LIMS2: variants seen among roughly 807,000 people sequenced by gnomAD.
The protein encoded by LIMS2 is LIM zinc finger domain containing 2, also known as LIM and senescent cell antigen-like-containing domain protein 2.
Under a neutral mutation model 45.3 loss-of-function variants are expected in LIMS2, and 30 were observed. That is an observed-to-expected ratio of 0.66 (90% CI 0.50 to 0.90). LIMS2 has a LOEUF of 0.90. Among genes scored for constraint, LIMS2 ranks in the 40% least tolerant of loss-of-function variants. LIMS2 has a pLI of 0.00. For missense variants in LIMS2, 485 were observed against 468.7 expected (o/e 1.03, Z -0.32); for synonymous variants, 173 against 188.0 (o/e 0.92, Z 0.65).
At chr2:127,676,661 C>T (rs148815681), upstream of LIMS2, among the ~76,000 whole-genome samples, 5 of 152,240 alleles carry the variant, frequency 3.3e-5, no homozygotes, top group East Asian at 1.9e-4. Context: ...CCGACTGTCT[C>T]GAGTTATTAC....
chr2:127,680,591 C>A (rs558190011), intron 1 of LIMS2, among the ~76,000 whole-genome samples: 3 of 152,320 alleles, frequency 2.0e-5, no homozygotes, highest in Admixed American at 2.0e-4. Context: ...GAGAAGCTGG[C>A]GGAATGTCGA....
intron 1 of LIMS2, among the ~76,000 whole-genome samples, chr2:127,666,933 G>C (rs1184045537): frequency 1.3e-5 from 2 of 152,160 alleles, no homozygotes; most frequent in African/African-American, 4.8e-5. Context: ...CTTGACACGT[G>C]GGGATTATAG....
At chr2:127,648,777 C>T (rs1359469606) in intron 4 of LIMS2, among the ~76,000 whole-genome samples, 7 of 151,444 alleles carry the variant, frequency 4.6e-5, no homozygotes, top group African/African-American at 1.5e-4. Context: ...AAAAATTAGC[C>T]GGGTGTGGTG....
chr2:127,661,061 A>G (rs1190721513), intron 1 of LIMS2, among the ~76,000 whole-genome samples: 2 of 152,230 alleles, frequency 1.3e-5, no homozygotes, highest in South Asian at 2.1e-4. Flanking sequence ...GGACAGACAG[A>G]AGCATGCAGA....
At position 127,647,891 on chromosome 2, in the gene LIMS2, G is replaced by A. The variant is rs746741345; in HGVS notation, c.360-4819C>T. The A allele has an allele frequency of 3.4e-5, 15 of 443,840 alleles. No individual in the cohort carries two copies. Among genetic ancestry groups the A allele is most frequent in the Admixed American group, 6.4e-5 (1 of 15,596 alleles). 27.5% of individuals were successfully genotyped at this position (443,840 alleles called of 1,614,324 possible). ...CCCTGCCACCGTCCCACCGGTACCT[G>A]CTCCCTGTTCTCCCCTGCCTCACAG... On this transcript the variant is annotated intron_variant, in intron 4 of 9. Coordinates refer to ENST00000355119, the MANE Select transcript of LIMS2 (RefSeq NM_001161403.3). The surrounding 1 kb of genome is among the most constrained non-coding windows in gnomAD (Gnocchi z 4.3).
chr2:127,672,375 C>G lies in LIMS2; in HGVS notation c.11+2639G>C, dbSNP rs894615087. Among the ~76,000 whole-genome samples, 6 of 152,130 alleles carry G rather than the reference C, an allele frequency of 3.9e-5. No individual in the cohort carries two copies. Among genetic ancestry groups the G allele is most frequent in the Admixed American group, 3.9e-4 (6 of 15,282 alleles). ...GCCACCCCATGCTCTGGGCTGCCTTCACTCCCTGCCCAGCTGGCTACTCCT... is the reference window on the plus strand; with the variant it reads ...GCCACCCCATGCTCTGGGCTGCCTTGACTCCCTGCCCAGCTGGCTACTCCT... On this transcript the variant is annotated intron_variant, in intron 1 of 9. Transcript: ENST00000355119. This position sits in a 1 kb window ranked among gnomAD's most constrained non-coding sequence, Gnocchi z 4.9.
At chr2:127,673,223 G>T (rs970775046) in intron 1 of LIMS2, among the ~76,000 whole-genome samples, 2 of 152,206 alleles carry the variant, frequency 1.3e-5, no homozygotes, top group African/African-American at 2.4e-5. Context: ...AAAGGACTGC[G>T]GGGAGCCACC....
At chr2:127,659,081 G>C (rs905596224) in intron 1 of LIMS2, among the ~76,000 whole-genome samples, 2 of 152,182 alleles carry the variant, frequency 1.3e-5, no homozygotes, top group Non-Finnish European at 2.9e-5. Flanking sequence ...CTTAGGGTCT[G>C]GGCATGGGCT....
chr2:127,648,975 GAGGGAGGGGAGGGGAGGGA>G (rs1683316781), intron 4 of LIMS2, among the ~76,000 whole-genome samples: 2 of 19,294 alleles, frequency 1.0e-4, no homozygotes. Flanking sequence ...GGGGGGAGGG[GAGGGAGGGGAGGGGAGGGA>G]GGGGAGGGGA....
intron 2 of LIMS2, among the ~76,000 whole-genome samples, chr2:127,656,407 T>C (rs1320871147): frequency 1.3e-5 from 2 of 150,154 alleles, no homozygotes; most frequent in Admixed American, 6.6e-5. Context: ...CTCCTTTTTT[T>C]TTTCTTTCTT....
At chr2:127,661,122 G>A (rs957637833) in intron 1 of LIMS2, among the ~76,000 whole-genome samples, 12 of 152,250 alleles carry the variant, frequency 7.9e-5, no homozygotes, top group Admixed American at 4.6e-4. Flanking sequence ...ACTCCTGCAG[G>A]GGAGGAAGAG....
intron 4 of LIMS2, chr2:127,651,529 A>G (rs903532956): frequency 5.6e-6 from 9 of 1,612,688 alleles, no homozygotes; most frequent in Non-Finnish European, 7.6e-6. Flanking sequence ...TACCGCAGCC[A>G]TGGGGCCTCC....
chr2:127,643,573 C>A (rs1682655257), intron 4 of LIMS2: 1 of 456,674 alleles, frequency 2.2e-6, no homozygotes, highest in East Asian at 6.9e-5. Flanking sequence ...ACAAGCACTG[C>A]TATGTCAGAT....
At chr2:127,674,023 A>C (rs1463343271) in intron 1 of LIMS2, 2 of 426,316 alleles carry the variant, frequency 4.7e-6, no homozygotes, top group Admixed American at 3.6e-5. Context: ...GTTACAGGCT[A>C]TTTTTGGTTC....
chr2:127,673,712 A>G, intron 1 of LIMS2: 2 of 1,551,400 alleles, frequency 1.3e-6, no homozygotes, highest in Non-Finnish European at 1.7e-6. Context: ...GCTGCTCCGG[A>G]CCCTGTTCCT....
chr2:127,660,295 T>G (rs1226309987), intron 1 of LIMS2, among the ~76,000 whole-genome samples: 2 of 152,204 alleles, frequency 1.3e-5, no homozygotes, highest in Admixed American at 6.5e-5. Context: ...ACCAGGCCAC[T>G]CGAACCCACA....
At position 127,680,899 on chromosome 2, in the gene LIMS2, G is replaced by A. The variant is rs370838382; in HGVS notation, c.-5+421C>T. Among the ~76,000 whole-genome samples the A allele has an allele frequency of 1.5e-4, 23 of 152,308 alleles. No homozygotes were observed. The East Asian group carries it at 2.9e-3, about 19-fold the overall frequency. On this transcript the variant is annotated intron_variant, in intron 1 of 9. Transcript: ENST00000410011. The stretch of plus-strand genomic sequence containing the variant: ...TAACACCTCAACACATCATGCCGTC[G>A]AGTATCCAGCAAGAAGCCTCCTGGG...
Position 127,640,289 on chromosome 2 carries a change from G to A in LIMS2, c.783C>T (p.Ser261=). The change falls in exon 8 of 10, where the codon AGC becomes AGT. Residue 261 remains serine, a synonymous_variant. Coordinates refer to ENST00000355119, the MANE Select transcript of LIMS2 (RefSeq NM_001161403.3). ...QLFGDVCYNC[S]HVIEGDVVSA... is the part of the protein sequence containing the mutation. ...CCTCACCATCGCCTTCAATCACATG[G>A]CTGCAGTTGTAGCAGACGTCCCCGA... 1 of 1,613,290 alleles carries A rather than the reference G, an allele frequency of 6.2e-7. No homozygotes were observed. Among genetic ancestry groups the A allele is most frequent in the Non-Finnish European group, 8.5e-7 (1 of 1,179,970 alleles).
rs147947335 is a variant in LIMS2 at position 127,650,975 on chromosome 2, C to T, written c.359+3449G>A. On this transcript the variant is annotated intron_variant, in intron 4 of 9. Coordinates refer to ENST00000355119, the MANE Select transcript of LIMS2 (RefSeq NM_001161403.3). ...ATCTGGCCGTGGCCGACTTGTCGTG[C>T]GTGCTGGTCCTGCCCACCCGCCTGG... 644 of 1,613,828 alleles carry T rather than the reference C, an allele frequency of 4.0e-4. 8 individuals carry two copies. The East Asian group carries it at 0.011, about 27-fold the overall frequency.
Sources: allele counts gnomAD v4.1 joint callset (sites outside exome capture counted in the v4.1 genomes callset), GRCh38; gene constraint gnomAD v4.1.1; non-coding constraint Gnocchi (gnomAD v3.1); transcripts MANE v1.5; gene names NCBI Gene and HGNC (gene_info 2026-07-23, HGNC 2026-07-21).